CLVS1: variants seen among roughly 807,000 people sequenced by gnomAD.
CLVS1 encodes the protein clavesin-1.
Under a neutral mutation model 33.1 loss-of-function variants are expected in CLVS1, and 10 were observed. That is an observed-to-expected ratio of 0.30 (90% CI 0.19 to 0.51). The LOEUF is 0.51. Among genes scored for constraint, CLVS1 ranks in the 20% least tolerant of loss-of-function variants. The probability of loss-of-function intolerance (pLI) is 0.97; values close to 1 mark genes in which losing one functional copy is unlikely to be tolerated. For synonymous variants in CLVS1, 163 were observed against 166.1 expected (o/e 0.98, Z 0.14); for missense variants, 343 against 433.4 (o/e 0.79, Z 1.85).
In CLVS1 at chr8:61,486,310, A is replaced by G. The variant is rs149459805; in HGVS notation, c.978-13145A>G. 1.4e-3 allele frequency among the ~76,000 whole-genome samples: 218 copies of G among 152,254 alleles called. 1 individual carries two copies. Among genetic ancestry groups the G allele is most frequent in the Non-Finnish European group, 2.4e-3 (162 of 68,032 alleles). ...AAAATAAATGTCCAGTACGGATTCTATTAATGAAGAATAAATGAAGGAATT... is the reference window on the plus strand; with the variant it reads ...AAAATAAATGTCCAGTACGGATTCTGTTAATGAAGAATAAATGAAGGAATT... On this transcript the variant is annotated intron_variant, in intron 5 of 5. Transcript: ENST00000325897.
intron 1 of CLVS1, among the ~76,000 whole-genome samples, chr8:61,104,622 G>A (rs1406770330): frequency 6.6e-6 from 1 of 152,058 alleles, no homozygotes; most frequent in African/African-American, 2.4e-5. Context: ...CAAATCAAAA[G>A]CATATGGGTT....
intron 5 of CLVS1, among the ~76,000 whole-genome samples, chr8:61,476,230 T>A (rs576976960): frequency 5.9e-5 from 9 of 152,346 alleles, no homozygotes; most frequent in Admixed American, 4.6e-4. Flanking sequence ...TCAGGTAGCG[T>A]GATGCCTCCA....
chr8:61,327,533 C>G (rs952215925), intron 2 of CLVS1, among the ~76,000 whole-genome samples: 1 of 152,166 alleles, frequency 6.6e-6, no homozygotes, highest in African/African-American at 2.4e-5. Flanking sequence ...AGTTGGCCCT[C>G]AATATTTGCT....
chr8:61,196,169 G>A (rs1807602506), intron 2 of CLVS1, among the ~76,000 whole-genome samples: 2 of 152,142 alleles, frequency 1.3e-5, no homozygotes, highest in African/African-American at 4.8e-5. Flanking sequence ...TATGTGCCAG[G>A]AGCTCTGTGT....
At chr8:61,437,909 A>G (rs1816396136) in intron 3 of CLVS1, among the ~76,000 whole-genome samples, 1 of 152,250 alleles carries the variant, frequency 6.6e-6, no homozygotes, top group Non-Finnish European at 1.5e-5. Context: ...AGCCAATAGT[A>G]CAGAAATATA....
intron 2 of CLVS1, among the ~76,000 whole-genome samples, chr8:61,217,974 A>G (rs28697127): frequency 0.25 from 38,733 of 152,110 alleles, 5,922 homozygotes; most frequent in East Asian, 0.7. Context: ...CCCAGTTAGG[A>G]TGACTATTAT....
intron 2 of CLVS1, among the ~76,000 whole-genome samples, chr8:61,235,138 C>T (rs1808529015): frequency 6.7e-6 from 1 of 150,204 alleles, no homozygotes; most frequent in Non-Finnish European, 1.5e-5. Flanking sequence ...CTCAATGACT[C>T]TGCTTTCCTT....
chr8:61,204,468 CA>C (rs1807799706), intron 2 of CLVS1, among the ~76,000 whole-genome samples: 2 of 152,138 alleles, frequency 1.3e-5, no homozygotes, highest in African/African-American at 4.8e-5. Flanking sequence ...GCAAATTGCT[CA>C]CACTATTAAA....
chr8:61,203,670 C>T (rs1807785037), intron 2 of CLVS1, among the ~76,000 whole-genome samples: 1 of 152,140 alleles, frequency 6.6e-6, no homozygotes, highest in Non-Finnish European at 1.5e-5. Context: ...TTACATGTCC[C>T]ATGCAGGTCA....
intron 1 of CLVS1, among the ~76,000 whole-genome samples, chr8:61,070,573 C>A (rs1170310470): frequency 6.6e-6 from 1 of 152,198 alleles, no homozygotes; most frequent in Non-Finnish European, 1.5e-5. Flanking sequence ...GGTGTGGTGG[C>A]TCATGCCTGT....
At chr8:60,967,751 A>C in the CLVS1 span, 1 of 453,194 alleles carries the variant, frequency 2.2e-6, no homozygotes, top group Non-Finnish European at 4.4e-6. Flanking sequence ...AGCATCTGCC[A>C]CCACCGGCAT....
chr8:61,094,024 C>G (rs1482775307), intron 1 of CLVS1, among the ~76,000 whole-genome samples: 1 of 152,260 alleles, frequency 6.6e-6, no homozygotes, highest in Non-Finnish European at 1.5e-5. Flanking sequence ...CCATCACCAG[C>G]TCCGTGAGCC....
At position 61,325,610 on chromosome 8, in the gene CLVS1, C is replaced by A. The variant is rs531329426; in HGVS notation, c.455+25328C>A. 6.6e-5 allele frequency among the ~76,000 whole-genome samples: 10 copies of A among 152,258 alleles called. No homozygotes were observed. In the East Asian group the frequency reaches 1.9e-3, roughly 29 times the overall value. ...TTTTAGGTGGATAGCTGCTGTGTGG[C>A]AACACCTTGAGTTTCTCAGATGTTC... On this transcript the variant is annotated intron_variant, in intron 2 of 5. Transcript: ENST00000325897.
intron 1 of CLVS1, among the ~76,000 whole-genome samples, chr8:61,102,610 C>A (rs1026828773): frequency 2.6e-5 from 4 of 152,046 alleles, no homozygotes; most frequent in African/African-American, 9.7e-5. Context: ...CCTAGTTGCC[C>A]TGGCTGAAAA....
At chr8:61,319,112 C>T (rs1055016393) in intron 2 of CLVS1, among the ~76,000 whole-genome samples, 13 of 151,734 alleles carry the variant, frequency 8.6e-5, no homozygotes, top group Admixed American at 3.9e-4. Flanking sequence ...ATTTCTCTAC[C>T]TCTTTTGGTT....
At chr8:61,466,117 C>T (rs1817541125) in intron 5 of CLVS1, among the ~76,000 whole-genome samples, 1 of 152,158 alleles carries the variant, frequency 6.6e-6, no homozygotes, top group African/African-American at 2.4e-5. Context: ...AATAGGTAAC[C>T]CAACATTAAA....
At chr8:60,997,207 G>A in the CLVS1 span, among the ~76,000 whole-genome samples, 6 of 152,106 alleles carry the variant, frequency 3.9e-5, no homozygotes, top group Non-Finnish European at 7.4e-5. Flanking sequence ...GCTGCAGTGC[G>A]GAGAGGCCAG....
chr8:61,272,345 T>G (rs1281095077), intron 2 of CLVS1, among the ~76,000 whole-genome samples: 16 of 152,110 alleles, frequency 1.1e-4, no homozygotes, highest in Admixed American at 2.0e-4. Flanking sequence ...GGCTTGTAGG[T>G]TTTCTGCTGA....
intron 2 of CLVS1, among the ~76,000 whole-genome samples, chr8:61,369,039 TCTTC>T (rs1195458031): frequency 6.6e-6 from 1 of 152,092 alleles, no homozygotes; most frequent in Non-Finnish European, 1.5e-5. Flanking sequence ...TCCCCGTCTT[TCTTC>T]CTTTTCGCTT....
Sources: gnomAD v4.1 joint callset for allele counts (sites outside exome capture counted in the v4.1 genomes callset) on GRCh38, gnomAD v4.1.1 for gene constraint, MANE v1.5 for transcripts, NCBI Gene and HGNC (gene_info 2026-07-23, HGNC 2026-07-21) for gene names.